The following SSX3 variants were observed in gnomAD, a reference collection of about 807,000 sequenced individuals.
SSX3 encodes SSX family member 3, also known as protein SSX3.
In SSX3, 6 loss-of-function variants were observed where a neutral mutation model predicts 14.8. That is an observed-to-expected ratio of 0.41 (90% confidence interval 0.22 to 0.80). SSX3 has a LOEUF of 0.80. Ranked by LOEUF, SSX3 falls within the 30% of genes least tolerant of loss-of-function variation. The pLI, the probability that SSX3 is intolerant of heterozygous loss-of-function variation, is 0.34. For missense variants in SSX3, 163 were observed against 152.2 expected (o/e 1.07, Z -0.37); for synonymous variants, 55 against 52.9 (o/e 1.04, Z -0.18).
In SSX3 at chrX:48,346,794, GTCTTGCTCA is replaced by G; in HGVS notation, c.*237_*245del. The G allele has an allele frequency of 1.9e-6, 1 of 529,705 alleles. No homozygotes were observed. The highest frequency in any genetic ancestry group is 3.0e-5 in the South Asian group (1 of 33,472). 43.7% of individuals were successfully genotyped at this position (529,705 alleles called of 1,213,427 possible). A position where few individuals can be genotyped will look rare whatever the true frequency, so the allele number is the denominator to read the frequency against. ...ACAAACCAAAATATGCATTAAGTAT[GTCTTGCTCA>G]TCAGTGAAAATGTTAATATCTAACA... On this transcript the variant is annotated 3_prime_UTR_variant, in exon 8 of 8. Coordinates refer to ENST00000298396, the MANE Select transcript of SSX3 (RefSeq NM_021014.4).
rs782354394 is a variant in SSX3 at position 48,347,499 on chromosome X, C to A, written c.*4+1G>T. 3 of 1,209,671 alleles carry A rather than the reference C, an allele frequency of 2.5e-6. No individual in the cohort carries two copies. Among genetic ancestry groups the A allele is most frequent in the South Asian group, 3.5e-5 (2 of 56,920 alleles). The stretch of plus-strand genomic sequence containing the variant: ...AGGGGATGAGTGGAAGGTTCTCTTA[C>A]GGAGTTACTCATCATCTTCCTCAGG... On this transcript the variant is annotated splice_donor_variant, in intron 7 of 7. Transcript: ENST00000298396. LOFTEE classifies it low-confidence loss of function (3UTR_SPLICE).
At chrX:48,352,183 G>A (rs782600675) in intron 4 of SSX3, 34 bp from the exon 5 acceptor site, 1 of 1,195,185 alleles carries the variant, frequency 8.4e-7, no homozygotes, top group Non-Finnish European at 1.1e-6. Flanking sequence ...TTTCATTGTT[G>A]GTAAAGGTTT....
At chrX:48,350,249 G>T (rs1317563062) in intron 5 of SSX3, 127 bp from the exon 6 acceptor site, 15 of 1,020,983 alleles carry the variant, frequency 1.5e-5, no homozygotes, top group Non-Finnish European at 2.0e-5. Flanking sequence ...GAGTTACACA[G>T]GCCTAAATTA....
At chrX:48,352,264 G>A (rs782476791) in intron 4 of SSX3, 115 bp from the exon 5 acceptor site, 2 of 889,297 alleles carry the variant, frequency 2.2e-6, no homozygotes, top group Non-Finnish European at 1.6e-6. Flanking sequence ...ACGCATTGTT[G>A]AGGAGTTATT....
intron 6 of SSX3, chrX:48,348,211 A>G (rs2061246728): frequency 2.3e-6 from 1 of 434,354 alleles, no homozygotes; most frequent in Non-Finnish European, 4.1e-6. Context: ...TAGGGTATCC[A>G]TCCTCAAGCA....
rs368133332 is a variant in SSX3 at position 48,349,953 on chromosome X, C to G, written c.466+34G>C. 2.5e-6 allele frequency: 3 copies of G among 1,208,131 alleles called. No homozygotes were observed. The African/African-American group carries it at 5.3e-5, about 21-fold the overall frequency. On this transcript the variant is annotated intron_variant, in intron 6 of 7. Coordinates refer to ENST00000298396, the MANE Select transcript of SSX3 (RefSeq NM_021014.4). Reference sequence around the variant, plus strand: ...ACACACCTGAACGTCGCCAGGGAAGCCAGTGGGATTGTTCCTGAATTGCTT... The same window carrying G: ...ACACACCTGAACGTCGCCAGGGAAGGCAGTGGGATTGTTCCTGAATTGCTT...
chrX:48,356,054 G>A (rs1414983033), intron 1 of SSX3, among the ~76,000 whole-genome samples: 4 of 111,499 alleles, frequency 3.6e-5, no homozygotes, highest in Non-Finnish European at 7.5e-5. Context: ...GAGCAGGCCT[G>A]TACCATCCCA....
intron 2 of SSX3, 144 bp downstream of exon 2, chrX:48,355,037 T>TG: frequency 8.3e-7 from 1 of 1,202,413 alleles, no homozygotes; most frequent in East Asian, 3.0e-5. Context: ...GATGACAGAG[T>TG]GAGGGTGGGA....
chrX:48,347,359 T>C, intron 7 of SSX3, 141 bp downstream of exon 7: 1 of 968,510 alleles, frequency 1.0e-6, no homozygotes, highest in Non-Finnish European at 1.5e-6. Context: ...ATGGGAAATC[T>C]CATCATTCAG....
intron 6 of SSX3, 91 bp downstream of exon 6, chrX:48,349,896 G>A: frequency 6.7e-6 from 8 of 1,189,819 alleles, no homozygotes; most frequent in African/African-American, 1.8e-5. Context: ...TGGACCCAGG[G>A]TTATCTGGGA....
At chrX:48,354,609 C>G (rs1297047325) in intron 3 of SSX3, 23 bp downstream of exon 3, 2 of 1,187,478 alleles carry the variant, frequency 1.7e-6, no homozygotes, top group African/African-American at 3.5e-5. Context: ...CCAGACTTGT[C>G]TGTACCTAGA....
At chrX:48,352,887 G>C (rs1266926147) in intron 4 of SSX3, among the ~76,000 whole-genome samples, 1 of 111,915 alleles carries the variant, frequency 8.9e-6, no homozygotes, top group African/African-American at 3.2e-5. Context: ...AAGTGGGAAA[G>C]CTCTCTGTGT....
chrX:48,354,892 G>T, intron 2 of SSX3, 146 bp from the exon 3 acceptor site: 1 of 1,194,959 alleles, frequency 8.4e-7, no homozygotes, highest in Non-Finnish European at 1.1e-6. Context: ...GAACATGAGG[G>T]ACCTTCCTAG....
At chrX:48,352,249 A>T in intron 4 of SSX3, 100 bp from the exon 5 acceptor site, 1 of 963,054 alleles carries the variant, frequency 1.0e-6, no homozygotes, top group African/African-American at 1.9e-5. Flanking sequence ...GAGGCTTATG[A>T]GTCCACGCAT....
In SSX3 at chrX:48,354,601, A is replaced by G. The variant is rs141651148; in HGVS notation, c.184+31T>C. 10,073 of 1,176,893 alleles carry G rather than the reference A, an allele frequency of 8.6e-3. 595 individuals are homozygous for G. The African/African-American group carries it at 0.16, about 19-fold the overall frequency. On this transcript the variant is annotated intron_variant, in intron 3 of 7. Coordinates refer to ENST00000298396, the MANE Select transcript of SSX3 (RefSeq NM_021014.4). Reference sequence around the variant, plus strand: ...GGAAAAGGGATGCTCATGTGTCCCCAGACTTGTCTGTACCTAGAACTTTCT... The same window carrying G: ...GGAAAAGGGATGCTCATGTGTCCCCGGACTTGTCTGTACCTAGAACTTTCT...
intron 4 of SSX3, among the ~76,000 whole-genome samples, chrX:48,353,648 C>G (rs2061272694): frequency 9.0e-6 from 1 of 110,989 alleles, no homozygotes; most frequent in Admixed American, 9.6e-5. Context: ...AAACAAAACA[C>G]ACTATCAACA....
At position 48,350,003 on chromosome X, in the gene SSX3, C is replaced by T. The variant is rs1338812130; in HGVS notation, c.450G>A (p.Lys150=). The part of the protein sequence containing the change: ...CPPGKPTTSE[K]INMISGPKRG... The stretch of plus-strand genomic sequence containing the variant: ...TCCTCTTACCAGATATCATGTTAAT[C>T]TTCTCAGAGGTAGTTGGTTTTCCCG... Residue 150 remains lysine (K), a synonymous_variant, in exon 6 of 8, where the codon AAG becomes AAA. Transcript: ENST00000298396. The T allele has an allele frequency of 8.3e-7, 1 of 1,211,538 alleles. No individual in the cohort carries two copies.
intron 5 of SSX3, among the ~76,000 whole-genome samples, chrX:48,351,001 C>A (rs2061260411): frequency 9.1e-6 from 1 of 109,875 alleles, no homozygotes; most frequent in African/African-American, 3.3e-5. Context: ...GATCTCCTGA[C>A]CTTGTGATCT....
At chrX:48,355,036 G>C in intron 2 of SSX3, 145 bp downstream of exon 2, 1 of 1,203,210 alleles carries the variant, frequency 8.3e-7, no homozygotes, top group South Asian at 1.8e-5. Context: ...TGATGACAGA[G>C]TGAGGGTGGG....
Sources: allele counts gnomAD v4.1 joint callset (sites outside exome capture counted in the v4.1 genomes callset), GRCh38; gene constraint gnomAD v4.1.1; transcripts MANE v1.5; gene names NCBI Gene and HGNC (gene_info 2026-07-23, HGNC 2026-07-21).